NARS2: variants seen among roughly 807,000 people sequenced by gnomAD.
NARS2 encodes asparaginyl-tRNA synthetase 2, mitochondrial.
In NARS2, 60 loss-of-function variants were observed where a neutral mutation model predicts 62.9. The ratio of observed to expected loss-of-function variants is 0.95; its 90% CI spans 0.77 to 1.18. The LOEUF (loss-of-function observed/expected upper bound fraction) is 1.18, where lower values mean the gene tolerates loss of function less well. NARS2 is among the 50% of genes most tolerant of loss of function. The pLI, the probability that NARS2 is intolerant of heterozygous loss-of-function variation, is 0.00. For missense variants in NARS2, 619 were observed against 576.4 expected, an observed-to-expected ratio of 1.07 and a Z score of -0.76; for synonymous variants, 196 against 200.0, an observed-to-expected ratio of 0.98 and a Z score of 0.17.
At chr11:78,564,911 C>T (rs1203366807) in intron 4 of NARS2, among the ~76,000 whole-genome samples, 1 of 152,180 alleles carries the variant, frequency 6.6e-6, no homozygotes, top group Non-Finnish European at 1.5e-5. Context: ...TTTCAAGGGG[C>T]AAGAACCTTC....
At position 78,478,489 on chromosome 11, in the gene NARS2, CAA is replaced by C; in HGVS notation, c.922-16_922-15del. ...TTCTAATCTGTCCTTAATAAAAAGACAAAAAAGAAAATTTTAAAAATATAATT... is the reference window on the plus strand; with the variant it reads ...TTCTAATCTGTCCTTAATAAAAAGACAAAAGAAAATTTTAAAAATATAATT... On this transcript the variant is annotated splice_polypyrimidine_tract_variant and intron_variant, in intron 8 of 13. Transcript: ENST00000281038. 2.5e-6 allele frequency: 3 copies of C among 1,199,116 alleles called. No homozygotes were observed. In the South Asian group the frequency reaches 5.2e-5, roughly 21 times the overall value. 74.3% of individuals were successfully genotyped at this position (1,199,116 alleles called of 1,614,324 possible).
At chr11:78,465,210 C>T (rs531793933) in intron 11 of NARS2, among the ~76,000 whole-genome samples, 8 of 152,302 alleles carry the variant, frequency 5.3e-5, no homozygotes, top group East Asian at 1.9e-4. Context: ...TGGGGCCCGC[C>T]GAGCCCACAC....
chr11:78,510,614 A>C (rs1407137660), intron 6 of NARS2, among the ~76,000 whole-genome samples: 1 of 152,184 alleles, frequency 6.6e-6, no homozygotes, highest in African/African-American at 2.4e-5. Flanking sequence ...ACAAACATAT[A>C]CAGAACACTC....
intron 6 of NARS2, among the ~76,000 whole-genome samples, chr11:78,502,205 T>C (rs1231413169): frequency 1.3e-5 from 2 of 152,210 alleles, no homozygotes; most frequent in African/African-American, 2.4e-5. Flanking sequence ...CATGAGTTGT[T>C]ATAACAAAAT....
chr11:78,506,323 G>A (rs1176342810), intron 6 of NARS2, among the ~76,000 whole-genome samples: 2 of 152,100 alleles, frequency 1.3e-5, no homozygotes, highest in Admixed American at 1.3e-4. Context: ...TTAATTCCTA[G>A]TTATTTACCC....
chr11:78,545,737 T>C (rs1855848089), intron 5 of NARS2, among the ~76,000 whole-genome samples: 1 of 152,142 alleles, frequency 6.6e-6, no homozygotes, highest in South Asian at 2.1e-4. Context: ...TTCTGTCGTA[T>C]TGGCCAGGCT....
chr11:78,571,541 C>G, intron 1 of NARS2, 97 bp from the exon 2 acceptor site: 1 of 765,432 alleles, frequency 1.3e-6, no homozygotes, highest in Non-Finnish European at 2.2e-6. Context: ...CATGTACTCA[C>G]AATCCTGCCT....
intron 5 of NARS2, among the ~76,000 whole-genome samples, chr11:78,553,068 C>T (rs928061501): frequency 7.9e-5 from 12 of 152,128 alleles, no homozygotes; most frequent in African/African-American, 9.7e-5. Flanking sequence ...AATTTATACT[C>T]CCTCCAACAG....
chr11:78,542,048 T>A (rs1855641290), intron 5 of NARS2, among the ~76,000 whole-genome samples: 1 of 152,230 alleles, frequency 6.6e-6, no homozygotes. Flanking sequence ...GCTACAAATG[T>A]GTATCTTGGT....
intron 1 of NARS2, chr11:78,571,714 T>C (rs1856930715): frequency 6.5e-6 from 2 of 306,756 alleles, no homozygotes; most frequent in Non-Finnish European, 1.2e-5. Context: ...GCCTAATTCA[T>C]ATAATCAATC....
At chr11:78,489,212 G>T (rs756765579) in intron 7 of NARS2, among the ~76,000 whole-genome samples, 14 of 152,016 alleles carry the variant, frequency 9.2e-5, no homozygotes, top group Non-Finnish European at 1.8e-4. Flanking sequence ...CTAGTAGCTA[G>T]AATATATAAA....
intron 5 of NARS2, among the ~76,000 whole-genome samples, chr11:78,544,038 A>AAAAAC (rs1429635085): frequency 6.6e-5 from 10 of 151,218 alleles, no homozygotes; most frequent in African/African-American, 2.4e-4. Flanking sequence ...AAAAAAAAAA[A>AAAAAC]AACTCTCTCT....
At chr11:78,497,706 T>A (rs141245037) in intron 6 of NARS2, among the ~76,000 whole-genome samples, 27 of 152,320 alleles carry the variant, frequency 1.8e-4, no homozygotes, top group African/African-American at 3.4e-4. Context: ...TATTTCTACA[T>A]GCCTAAAAGA....
At chr11:78,504,694 C>T (rs1860422107) in intron 6 of NARS2, among the ~76,000 whole-genome samples, 1 of 152,040 alleles carries the variant, frequency 6.6e-6, no homozygotes, top group Non-Finnish European at 1.5e-5. Context: ...TTTTTTCCTA[C>T]AGTCTTTGTT....
intron 11 of NARS2, among the ~76,000 whole-genome samples, chr11:78,447,500 T>C (rs888726492): frequency 5.3e-5 from 8 of 152,144 alleles, no homozygotes; most frequent in African/African-American, 1.7e-4. Flanking sequence ...TCTGGGTATA[T>C]ATATCCAGAA....
intron 13 of NARS2, among the ~76,000 whole-genome samples, chr11:78,439,936 C>T (rs894957702): frequency 1.3e-5 from 2 of 152,324 alleles, no homozygotes; most frequent in South Asian, 2.1e-4. Context: ...AGTACAGACA[C>T]GTGGTCCTCC....
chr11:78,495,813 C>T (rs1341249846), intron 6 of NARS2, among the ~76,000 whole-genome samples: 1 of 152,208 alleles, frequency 6.6e-6, no homozygotes. Context: ...ACTGTGCCAT[C>T]TCTAGGTAGG....
At chr11:78,557,464 C>T (rs893218740) in intron 5 of NARS2, among the ~76,000 whole-genome samples, 1 of 152,122 alleles carries the variant, frequency 6.6e-6, no homozygotes, top group African/African-American at 2.4e-5. Flanking sequence ...GGACAGAAGA[C>T]AAGTCTTTGT....
intron 6 of NARS2, among the ~76,000 whole-genome samples, chr11:78,496,230 C>A (rs545819189): frequency 6.6e-6 from 1 of 152,146 alleles, no homozygotes; most frequent in South Asian, 2.1e-4. Flanking sequence ...ATAATGATCA[C>A]CCTATGTCAG....
Sources: gnomAD v4.1 joint callset for allele counts (sites outside exome capture counted in the v4.1 genomes callset) on GRCh38, gnomAD v4.1.1 for gene constraint, MANE v1.5 for transcripts, NCBI Gene and HGNC (gene_info 2026-07-23, HGNC 2026-07-21) for gene names.